Variants in NSRP1 observed in about 807,000 individuals in gnomAD.
NSRP1 encodes coiled-coil domain containing 55.
NSRP1 carries 24 observed loss-of-function variants against 54.7 expected under a neutral mutation model. That is an observed-to-expected ratio of 0.44 (90% CI 0.32 to 0.62). NSRP1 has a LOEUF of 0.62. NSRP1 is among the 20% of genes least tolerant of loss of function. The pLI is 0.06. For synonymous variants in NSRP1, 210 were observed against 213.8 expected (o/e 0.98, Z 0.15); for missense variants, 596 against 651.2 (o/e 0.92, Z 0.92).
chr17:30,185,320 G>C lies in NSRP1; in HGVS notation c.1323G>C (p.Glu441Asp). 1 of 1,606,950 alleles carries C rather than the reference G, an allele frequency of 6.2e-7. No individual in the cohort carries two copies. The highest frequency in any genetic ancestry group is 8.5e-7 in the Non-Finnish European group (1 of 1,178,256). The stretch of plus-strand genomic sequence containing the variant: ...AATACAGAGATAGAGAAAAACGAGA[G>C]GTAGGTGTTCAGTCTTCAGAAAGAA... ...NDKYRDREKR[E>D]VGVQSSERNQ... The change falls in exon 7 of 7, where the codon GAG (glutamate) becomes GAC (aspartate). Residue 441 changes from glutamate to aspartate, a missense_variant. Physicochemically the swap from Glu to Asp is conservative, Grantham distance 45. Coordinates refer to ENST00000247026, the MANE Select transcript of NSRP1 (RefSeq NM_032141.4).
chr17:30,118,818 G>C (rs1053476089), intron 2 of NSRP1, among the ~76,000 whole-genome samples: 1 of 149,432 alleles, frequency 6.7e-6, no homozygotes, highest in African/African-American at 2.5e-5. Context: ...CCGCGATCTC[G>C]GCTCACTGCA....
intron 3 of NSRP1, among the ~76,000 whole-genome samples, chr17:30,176,010 C>A (rs201050621): frequency 1.9e-4 from 23 of 122,908 alleles, no homozygotes; most frequent in African/African-American, 4.3e-4. Context: ...ACCCCCCCCC[C>A]AAAAAAAAAG....
At chr17:30,153,025 T>C (rs1269240406) in intron 2 of NSRP1, among the ~76,000 whole-genome samples, 1 of 150,558 alleles carries the variant, frequency 6.6e-6, no homozygotes, top group East Asian at 2.0e-4. Flanking sequence ...GTGATTCTCA[T>C]GCCTCACCTC....
intron 2 of NSRP1, among the ~76,000 whole-genome samples, chr17:30,148,985 C>G: frequency 6.6e-6 from 1 of 152,066 alleles, no homozygotes; most frequent in Admixed American, 6.6e-5. Flanking sequence ...ATGTTTATTG[C>G]TTCCCTGGGT....
At chr17:30,149,149 T>C (rs2071883500) in intron 2 of NSRP1, among the ~76,000 whole-genome samples, 1 of 152,254 alleles carries the variant, frequency 6.6e-6, no homozygotes, top group Non-Finnish European at 1.5e-5. Context: ...GTATAGCTTT[T>C]AGTTTTGACA....
intron 2 of NSRP1, among the ~76,000 whole-genome samples, chr17:30,134,607 C>T (rs564686194): frequency 6.6e-6 from 1 of 152,226 alleles, no homozygotes; most frequent in African/African-American, 2.4e-5. Flanking sequence ...ACTAGGGTGT[C>T]AAGAAGTTAA....
intron 2 of NSRP1, among the ~76,000 whole-genome samples, chr17:30,132,245 C>CAA (rs536072441): frequency 2.2e-3 from 245 of 112,664 alleles, no homozygotes; most frequent in African/African-American, 7.0e-3. Flanking sequence ...GAGACTGTCT[C>CAA]AAAAAAAAAA....
chr17:30,119,911 AT>A (rs1439540720), intron 2 of NSRP1, among the ~76,000 whole-genome samples: 2 of 152,186 alleles, frequency 1.3e-5, no homozygotes. Context: ...GTTTTTAAAA[AT>A]TGAGGTATAA....
chr17:30,122,381 ATATATTTTTTTTTTTTTTTTTTT>A (rs2071610793), intron 2 of NSRP1: 1 of 27,608 alleles, frequency 3.6e-5, no homozygotes, highest in South Asian at 2.1e-3. Flanking sequence ...ATATATATAT[ATATATTTTTTTTTTTTTTTTTTT>A]TTTTTTTTTT....
chr17:30,148,640 G>A (rs988100737), intron 2 of NSRP1, among the ~76,000 whole-genome samples: 5 of 152,148 alleles, frequency 3.3e-5, no homozygotes, highest in Non-Finnish European at 7.4e-5. Flanking sequence ...GGGCTGTAGC[G>A]GTGATCACCA....
At chr17:30,127,721 T>G (rs984064493) in intron 2 of NSRP1, 1 of 338,194 alleles carries the variant, frequency 3.0e-6, no homozygotes, top group South Asian at 1.5e-4. Context: ...GCCTAGTTGT[T>G]GCTTTTGGAT....
chr17:30,122,349 T>TGTGTGTGTGTGTATATA (rs1481107161), intron 2 of NSRP1: 2 of 72,316 alleles, frequency 2.8e-5, no homozygotes, highest in Admixed American at 1.8e-4. Flanking sequence ...ATAACTCTGG[T>TGTGTGTGTGTGTATATA]TTCATATATA....
rs1235830174 is a variant in NSRP1 at position 30,184,853 on chromosome 17, C to CA, written c.860dup (p.Asn287LysfsTer7). 19 of 1,614,038 alleles carry CA rather than the reference C, an allele frequency of 1.2e-5. No homozygotes were observed. The highest frequency in any genetic ancestry group is 1.5e-5 in the Non-Finnish European group (18 of 1,180,006). ...GAATGACTTCAAGCACCACAGGAGT[C>CA]AAAACCACTCTCGGTCACCTAGTGA... is the stretch of plus-strand genomic sequence containing the variant. On this transcript the variant is annotated frameshift_variant, in exon 7 of 7. Transcript: ENST00000247026. LOFTEE classifies it high-confidence loss of function.
intron 6 of NSRP1, among the ~76,000 whole-genome samples, chr17:30,182,696 A>G (rs1220983674): frequency 6.6e-6 from 1 of 151,826 alleles, no homozygotes; most frequent in East Asian, 1.9e-4. Flanking sequence ...GCACTTTGGG[A>G]GGCCAAGGCG....
Position 30,145,508 on chromosome 17 carries a change from G to A in NSRP1, c.115-27034G>A, listed in dbSNP as rs576962888. ...TGAGGCAGGAGAATCGCTTGAATCC[G>A]GGAGGTGGAGGTTGCAGCGAGCCGA... On this transcript the variant is annotated intron_variant, in intron 2 of 6. Coordinates refer to ENST00000247026, the MANE Select transcript of NSRP1 (RefSeq NM_032141.4). 2.4e-3 allele frequency among the ~76,000 whole-genome samples: 371 copies of A among 152,182 alleles called. 3 individuals are homozygous for A. The highest frequency in any genetic ancestry group is 3.0e-3 in the Non-Finnish European group (206 of 68,010).
In NSRP1 at chr17:30,142,833, T is replaced by C. The variant is rs1042657706; in HGVS notation, c.114+24660T>C. On this transcript the variant is annotated intron_variant, in intron 2 of 6. Transcript: ENST00000247026. The stretch of plus-strand genomic sequence containing the variant: ...TTTTTGTGACCTTTTAATAGAATCA[T>C]GATTGCAAATTTGGGTTTGTGGCCA... 7.2e-5 allele frequency among the ~76,000 whole-genome samples: 11 copies of C among 152,344 alleles called. 1 individual carries two copies. The highest frequency in any genetic ancestry group is 5.9e-4 in the Admixed American group (9 of 15,302).
chr17:30,124,002 G>C (rs1255274127), intron 2 of NSRP1, among the ~76,000 whole-genome samples: 2 of 152,108 alleles, frequency 1.3e-5, no homozygotes, highest in African/African-American at 4.8e-5. Context: ...GGCCAGGCAT[G>C]ATAACTCATG....
At chr17:30,181,756 G>T (rs895410372) in intron 6 of NSRP1, among the ~76,000 whole-genome samples, 1 of 151,926 alleles carries the variant, frequency 6.6e-6, no homozygotes, top group African/African-American at 2.4e-5. Context: ...GACTATAGGT[G>T]CATGCACTAC....
intron 6 of NSRP1, among the ~76,000 whole-genome samples, chr17:30,183,572 G>C (rs964733009): frequency 2.7e-4 from 41 of 152,284 alleles, no homozygotes; most frequent in African/African-American, 8.9e-4. Context: ...CTTTAGCCAA[G>C]ATAGTTCTGC....
Sources: allele counts gnomAD v4.1 joint callset (sites outside exome capture counted in the v4.1 genomes callset), GRCh38; gene constraint gnomAD v4.1.1; transcripts MANE v1.5; gene names NCBI Gene and HGNC (gene_info 2026-07-23, HGNC 2026-07-21).